The following CCDC61 variants were observed in gnomAD, a reference collection of about 807,000 sequenced individuals.
The protein encoded by CCDC61 is coiled-coil domain containing 61.
A neutral mutation model predicts 63.0 loss-of-function variants in CCDC61; 55 were observed. That is an observed-to-expected ratio of 0.87 (90% confidence interval 0.70 to 1.09). The LOEUF is 1.09. Among genes scored for constraint, CCDC61 ranks in the 50% least tolerant of loss-of-function variants. CCDC61 has a pLI of 0.00. For missense variants in CCDC61, 651 were observed against 731.4 expected, an observed-to-expected ratio of 0.89 and a Z score of 1.27; for synonymous variants, 270 against 317.0, an observed-to-expected ratio of 0.85 and a Z score of 1.58.
Position 46,008,296 on chromosome 19 carries a change from GGAGCAGT to G in CCDC61, c.550_551+5del, listed in dbSNP as rs1404038235. The G allele has an allele frequency of 6.3e-7, 1 of 1,596,036 alleles. No individual in the cohort carries two copies. The highest frequency in any genetic ancestry group is 1.3e-5 in the African/African-American group (1 of 74,504). On this transcript the variant is annotated splice_donor_variant and coding_sequence_variant, in exon 5 of 14. Transcript: ENST00000595358. LOFTEE classifies it high-confidence loss of function. ...GGGAGAATGAGATCTGGCATCTGCG[GGAGCAGT>G]GAGTCTTGGAGGGGTGGGCAGCTGG... is the stretch of plus-strand genomic sequence containing the variant.
chr19:46,011,048 T>TTTCC (rs1439851924), intron 5 of CCDC61, among the ~76,000 whole-genome samples: 1 of 151,486 alleles, frequency 6.6e-6, no homozygotes, highest in Admixed American at 6.6e-5. Context: ...CTTTCTTTTC[T>TTTCC]TTTCTTTCTT....
At chr19:46,012,229 C>T (rs1244580810) in intron 5 of CCDC61, among the ~76,000 whole-genome samples, 1 of 152,172 alleles carries the variant, frequency 6.6e-6, no homozygotes, top group Admixed American at 6.5e-5. Context: ...GCCCAAGAGT[C>T]CCACTGCTTC....
Position 46,015,302 on chromosome 19 carries a change from C to A in CCDC61, c.762+43C>A. The A allele has an allele frequency of 6.4e-7, 1 of 1,571,368 alleles. No homozygotes were observed. The highest frequency in any genetic ancestry group is 8.6e-7 in the Non-Finnish European group (1 of 1,167,238). ...GGGGCGGCCAGCGAGGCGCGGACCT[C>A]GGCCTCAGCCTGGACCTCCGCGCCC... On this transcript the variant is annotated intron_variant, in intron 6 of 13. Coordinates refer to ENST00000595358, the MANE Select transcript of CCDC61 (RefSeq NM_001267723.2). This position sits in a 1 kb window ranked among gnomAD's most constrained non-coding sequence, Gnocchi z 5.3.
chr19:46,017,076 C>G lies in CCDC61; in HGVS notation c.1310+7C>G, dbSNP rs112695593. 1.6e-5 allele frequency: 25 copies of G among 1,611,086 alleles called. No homozygotes were observed. The highest frequency in any genetic ancestry group is 5.3e-5 in the African/African-American group (4 of 75,026). On this transcript the variant is annotated splice_region_variant and intron_variant, in intron 11 of 13. Transcript: ENST00000595358. ...CTGAGTCGCTCTCCAGAGGGTAAAA[C>G]TTGAACTTGGGAAAAGGATCGCCTC...
chr19:46,016,570 T>C lies in CCDC61; in HGVS notation c.1092-124T>C. 2 of 1,463,324 alleles carry C rather than the reference T, an allele frequency of 1.4e-6. No homozygotes were observed. The highest frequency in any genetic ancestry group is 2.6e-5 in the South Asian group (2 of 78,290). 90.6% of individuals were successfully genotyped at this position (1,463,324 alleles called of 1,614,324 possible). ...CCTCCTCGTCTGTGTTTCTGCGTGC[T>C]TTCCGCTCGTAGGCCTGTCACCTCA... On this transcript the variant is annotated intron_variant, in intron 9 of 13. Coordinates refer to ENST00000595358, the MANE Select transcript of CCDC61 (RefSeq NM_001267723.2). The surrounding 1 kb of genome is among the most constrained non-coding windows in gnomAD (Gnocchi z 7.2).
chr19:46,008,451 C>A, intron 5 of CCDC61, 150 bp downstream of exon 5: 1 of 739,228 alleles, frequency 1.4e-6, no homozygotes, highest in African/African-American at 1.8e-5. Flanking sequence ...CTCTGTTGCC[C>A]AGGCTGGAGT....
chr19:46,017,251 C>G lies in CCDC61; in HGVS notation c.1315C>G (p.His439Asp). ...TTGGTTACTCCTTTTTCTCAGGGGT[C>G]ACCGCCGCCGTGGGAAGCCTCCCAG... ...DFSESLSRGG[H>D]RRRGKPPSPT... Residue 439 changes from histidine to aspartate, a missense_variant, in exon 12 of 14, where the codon CAC becomes GAC. Transcript: ENST00000595358. 1 of 1,562,900 alleles carries G rather than the reference C, an allele frequency of 6.4e-7. No homozygotes were observed. Among genetic ancestry groups the G allele is most frequent in the Non-Finnish European group, 8.7e-7 (1 of 1,153,172 alleles).
At chr19:46,014,957 G>A (rs1375104604) in intron 5 of CCDC61, 92 bp from the exon 6 acceptor site, 1 of 1,139,006 alleles carries the variant, frequency 8.8e-7, no homozygotes, top group Admixed American at 2.6e-5. Context: ...CCCCCTTCCG[G>A]GGAGGTGAAA....
intron 4 of CCDC61, among the ~76,000 whole-genome samples, chr19:46,007,896 A>T (rs1172667021): frequency 6.6e-6 from 1 of 152,004 alleles, no homozygotes; most frequent in African/African-American, 2.4e-5. Context: ...GTTCCCCCAG[A>T]CTACACCAGG....
intron 5 of CCDC61, among the ~76,000 whole-genome samples, chr19:46,014,421 C>T (rs150883677): frequency 1.9e-3 from 295 of 152,324 alleles, no homozygotes; most frequent in African/African-American, 6.9e-3. Flanking sequence ...ACAGCAGTCA[C>T]TCGGTGACAG....
At chr19:46,007,650 C>G (rs752120780) in intron 4 of CCDC61, among the ~76,000 whole-genome samples, 3 of 152,018 alleles carry the variant, frequency 2.0e-5, no homozygotes, top group African/African-American at 7.3e-5. Flanking sequence ...GCTAGGTGAC[C>G]GTGTCTGTCC....
Position 46,018,329 on chromosome 19 carries a change from T to G in CCDC61, c.1481T>G (p.Ile494Arg), listed in dbSNP as rs779747916. Reference protein sequence around the residue: ...SEHQAADMAEIDARLKALQEY... With the variant: ...SEHQAADMAERDARLKALQEY... Reference sequence around the variant, plus strand: ...CACCAGGCGGCTGACATGGCCGAAATAGACGCACGCCTGAAGGCCTTGCAG... The same window carrying G: ...CACCAGGCGGCTGACATGGCCGAAAGAGACGCACGCCTGAAGGCCTTGCAG... Residue 494 changes from isoleucine (I) to arginine (R), a missense_variant, in exon 14 of 14, where the codon ATA (isoleucine) becomes AGA (arginine). By Grantham distance (97) the Ile-to-Arg change is moderately conservative. Transcript: ENST00000595358. This position sits in a 1 kb window ranked among gnomAD's most constrained non-coding sequence, Gnocchi z 4.2. 1.3e-6 allele frequency: 2 copies of G among 1,576,674 alleles called. No homozygotes were observed. Among genetic ancestry groups the G allele is most frequent in the African/African-American group, 2.7e-5 (2 of 73,804 alleles).
In CCDC61 at chr19:46,006,651, C is replaced by T. The variant is rs764222767; in HGVS notation, c.324C>T (p.Ala108=). The change falls in exon 4 of 14, where the codon GCC becomes GCT. Residue 108 remains alanine, a synonymous_variant. Coordinates refer to ENST00000595358, the MANE Select transcript of CCDC61 (RefSeq NM_001267723.2). ...RKMGGRPGSL[A]PRSAQLNSKR... is the part of the protein sequence containing the mutation. ...TGGGGGGCCGCCCAGGCTCCTTGGCCCCCAGGTCGGCCCAGCTCAACTCCA... is the reference window on the plus strand; with the variant it reads ...TGGGGGGCCGCCCAGGCTCCTTGGCTCCCAGGTCGGCCCAGCTCAACTCCA... 4 of 1,613,680 alleles carry T rather than the reference C, an allele frequency of 2.5e-6. No individual in the cohort carries two copies. The highest frequency in any genetic ancestry group is 2.7e-5 in the African/African-American group (2 of 74,924).
Position 46,015,985 on chromosome 19 carries a change from C to T in CCDC61, c.846-69C>T. Reference sequence around the variant, plus strand: ...CCTGAGGGTTCGGAGAAGGTGCGGTCGGGGAGGAGTCTCGCGATTGAGTTT... The same window carrying T: ...CCTGAGGGTTCGGAGAAGGTGCGGTTGGGGAGGAGTCTCGCGATTGAGTTT... On this transcript the variant is annotated intron_variant, in intron 7 of 13. Coordinates refer to ENST00000595358, the MANE Select transcript of CCDC61 (RefSeq NM_001267723.2). The surrounding 1 kb of genome is among the most constrained non-coding windows in gnomAD (Gnocchi z 5.3). 1 of 1,205,060 alleles carries T rather than the reference C, an allele frequency of 8.3e-7. No individual in the cohort carries two copies. 74.6% of individuals were successfully genotyped at this position (1,205,060 alleles called of 1,614,324 possible).
chr19:46,016,644 G>A lies in CCDC61; in HGVS notation c.1092-50G>A. 2 of 1,604,330 alleles carry A rather than the reference G, an allele frequency of 1.2e-6. No individual in the cohort carries two copies. The highest frequency in any genetic ancestry group is 2.2e-5 in the South Asian group (2 of 89,366). On this transcript the variant is annotated intron_variant, in intron 9 of 13. Transcript: ENST00000595358. This position sits in a 1 kb window ranked among gnomAD's most constrained non-coding sequence, Gnocchi z 7.2. ...CCTTTAGGGGCGCAGTGACCCCCTT[G>A]CCTGCAGGAGTTGGGCGTACAGACC... is the stretch of plus-strand genomic sequence containing the variant.
chr19:45,996,549 C>T (rs575581337), intron 1 of CCDC61: 1 of 152,260 alleles, frequency 6.6e-6, no homozygotes, highest in South Asian at 2.1e-4. Context: ...CAGGCGCCCG[C>T]CACCACACCC....
intron 3 of CCDC61, among the ~76,000 whole-genome samples, chr19:46,004,934 G>T (rs1968673497): frequency 2.0e-5 from 3 of 148,220 alleles, no homozygotes; most frequent in African/African-American, 7.5e-5. Flanking sequence ...CGCGTCTCGG[G>T]TTCAAGTGAT....
At chr19:46,014,414 G>A (rs1419927299) in intron 5 of CCDC61, among the ~76,000 whole-genome samples, 1 of 152,190 alleles carries the variant, frequency 6.6e-6, no homozygotes, top group African/African-American at 2.4e-5. Flanking sequence ...CTGTGTCACA[G>A]CAGTCACTCG....
chr19:46,015,354 G>A lies in CCDC61; in HGVS notation c.772G>A (p.Ala258Thr). 6.2e-7 allele frequency: 1 copy of A among 1,601,750 alleles called. No individual in the cohort carries two copies. Among genetic ancestry groups the A allele is most frequent in the East Asian group, 2.2e-5 (1 of 44,758 alleles). Residue 258 changes from alanine to threonine, a missense_variant, in exon 7 of 14, where the codon GCG becomes ACG. Transcript: ENST00000595358. The surrounding 1 kb of genome is among the most constrained non-coding windows in gnomAD (Gnocchi z 5.3). ...CRRLAKELEE[A>T]KASERSLRAR... is the part of the protein sequence containing the mutation. ...TCTCCCCTCCCGGCAGCTCGAGGAGGCGAAGGCATCGGAGCGGAGCCTGCG... is the reference window on the plus strand; with the variant it reads ...TCTCCCCTCCCGGCAGCTCGAGGAGACGAAGGCATCGGAGCGGAGCCTGCG...
Sources: allele counts gnomAD v4.1 joint callset (sites outside exome capture counted in the v4.1 genomes callset), GRCh38; gene constraint gnomAD v4.1.1; non-coding constraint Gnocchi (gnomAD v3.1); transcripts MANE v1.5; gene names NCBI Gene and HGNC (gene_info 2026-07-23, HGNC 2026-07-21).